Variants in SH3RF2 observed in about 807,000 individuals in gnomAD.
SH3RF2 encodes E3 ubiquitin-protein ligase SH3RF2.
SH3RF2 carries 43 observed loss-of-function variants against 59.0 expected under a neutral mutation model. The observed-to-expected ratio is 0.73, with a 90% CI of 0.57 to 0.94. SH3RF2 has a LOEUF of 0.94. SH3RF2 is among the 40% of genes least tolerant of loss of function. SH3RF2 has a pLI of 0.00. For synonymous variants in SH3RF2, 391 were observed against 391.5 expected (o/e 1.00, Z 0.01); for missense variants, 930 against 940.1 (o/e 0.99, Z 0.14).
At chr5:146,024,370 C>G (rs1300148342) in intron 5 of SH3RF2, among the ~76,000 whole-genome samples, 4 of 152,146 alleles carry the variant, frequency 2.6e-5, no homozygotes, top group African/African-American at 4.8e-5. Flanking sequence ...TGCATGTGTT[C>G]TTTGGAGAAC....
intron 2 of SH3RF2, among the ~76,000 whole-genome samples, chr5:145,959,358 C>T (rs1191098259): frequency 6.6e-6 from 1 of 152,096 alleles, no homozygotes; most frequent in African/African-American, 2.4e-5. Flanking sequence ...CTTTTAGTTG[C>T]AAGTGACAGA....
At position 146,062,676 on chromosome 5, in the gene SH3RF2, C is replaced by T. The variant is rs147803771; in HGVS notation, c.2165C>T (p.Thr722Met). 26 of 1,613,608 alleles carry T rather than the reference C, an allele frequency of 1.6e-5. No homozygotes were observed. In the South Asian group the frequency reaches 1.6e-4, roughly 10 times the overall value. ...ATTLVSTASGTQTVFPSK is the reference protein window; with the variant it reads ...ATTLVSTASGMQTVFPSK ...ACCCTGGTGTCCACTGCCTCAGGCA[C>T]GCAGACCGTGTTTCCCAGCAAATGA... Residue 722 changes from threonine (T) to methionine (M), a missense_variant, in exon 10 of 10, where the codon ACG (threonine) becomes ATG (methionine). Transcript: ENST00000359120.
intron 2 of SH3RF2, among the ~76,000 whole-genome samples, chr5:145,991,701 T>C (rs1284406789): frequency 1.3e-5 from 2 of 152,222 alleles, no homozygotes; most frequent in Non-Finnish European, 2.9e-5. Flanking sequence ...TTTTAGGGTT[T>C]CAAGGTTGAG....
At chr5:146,051,405 G>T (rs887164806) in intron 7 of SH3RF2, among the ~76,000 whole-genome samples, 2 of 152,194 alleles carry the variant, frequency 1.3e-5, no homozygotes, top group African/African-American at 4.8e-5. Context: ...AAAGGGGGAA[G>T]CAGAAAAACT....
At chr5:146,010,666 A>G (rs963527673) in intron 4 of SH3RF2, among the ~76,000 whole-genome samples, 22 of 152,174 alleles carry the variant, frequency 1.4e-4, no homozygotes, top group Non-Finnish European at 2.5e-4. Flanking sequence ...TTTTTGCTGC[A>G]TAAATGTCTT....
chr5:146,014,090 A>C (rs760045572), intron 5 of SH3RF2, 29 bp downstream of exon 5: 6 of 1,603,708 alleles, frequency 3.7e-6, no homozygotes, highest in Non-Finnish European at 5.1e-6. Flanking sequence ...GGATGAGGGC[A>C]CTTTGGAGTT....
At position 146,011,920 on chromosome 5, in the gene SH3RF2, A is replaced by G. The variant is rs111357796; in HGVS notation, c.745-1827A>G. Among the ~76,000 whole-genome samples, 16 of 152,254 alleles carry G rather than the reference A, an allele frequency of 1.1e-4. 3 individuals carry two copies. The highest frequency in any genetic ancestry group is 3.6e-4 in the African/African-American group (15 of 41,560). Reference sequence around the variant, plus strand: ...TGGCCAGAACTTCCAACACTATGTTAAATAGGAGTGGTGACAGAGGGCATC... The same window carrying G: ...TGGCCAGAACTTCCAACACTATGTTGAATAGGAGTGGTGACAGAGGGCATC... On this transcript the variant is annotated intron_variant, in intron 4 of 9. Coordinates refer to ENST00000359120, the MANE Select transcript of SH3RF2 (RefSeq NM_152550.4).
intron 5 of SH3RF2, among the ~76,000 whole-genome samples, chr5:146,016,296 C>T (rs1761098544): frequency 6.6e-6 from 1 of 151,498 alleles, no homozygotes; most frequent in Non-Finnish European, 1.5e-5. Flanking sequence ...AGTAATATAA[C>T]CTCAAACTTT....
intron 2 of SH3RF2, among the ~76,000 whole-genome samples, chr5:145,960,375 A>G (rs1162065238): frequency 6.6e-6 from 1 of 152,244 alleles, no homozygotes; most frequent in Non-Finnish European, 1.5e-5. Context: ...TCAGACTTAC[A>G]TACTCCACCA....
intron 7 of SH3RF2, among the ~76,000 whole-genome samples, chr5:146,053,924 G>A (rs1035706108): frequency 6.6e-6 from 1 of 152,170 alleles, no homozygotes; most frequent in Non-Finnish European, 1.5e-5. Flanking sequence ...TGCTGTTTGT[G>A]ATGCCCTTTT....
At chr5:145,963,685 T>TA (rs1758729633) in intron 2 of SH3RF2, among the ~76,000 whole-genome samples, 1 of 152,226 alleles carries the variant, frequency 6.6e-6, no homozygotes. Flanking sequence ...TCATCATTTA[T>TA]AACTGGTTTC....
At chr5:146,057,864 G>T (rs975130650) in intron 8 of SH3RF2, among the ~76,000 whole-genome samples, 1 of 152,130 alleles carries the variant, frequency 6.6e-6, no homozygotes, top group African/African-American at 2.4e-5. Flanking sequence ...GATGGCTTGA[G>T]CCGGGAAGGT....
chr5:145,981,112 T>G (rs1561721928), intron 2 of SH3RF2, among the ~76,000 whole-genome samples: 1 of 152,202 alleles, frequency 6.6e-6, no homozygotes. Flanking sequence ...TTTCTTTTTT[T>G]GAGGCAGGGT....
intron 2 of SH3RF2, among the ~76,000 whole-genome samples, chr5:145,999,488 C>T (rs1042386363): frequency 5.3e-5 from 8 of 152,204 alleles, no homozygotes; most frequent in African/African-American, 1.7e-4. Flanking sequence ...ATGCCTTCCT[C>T]ATTAAGATTA....
At chr5:146,010,147 C>A (rs1407033501) in intron 4 of SH3RF2, among the ~76,000 whole-genome samples, 2 of 151,814 alleles carry the variant, frequency 1.3e-5, no homozygotes, top group Non-Finnish European at 2.9e-5. Context: ...TTGGTCCTTG[C>A]GATAGTTTGC....
chr5:146,006,736 C>T lies in SH3RF2; in HGVS notation c.744+2583C>T, dbSNP rs931445284. Among the ~76,000 whole-genome samples the T allele has an allele frequency of 3.9e-5, 6 of 152,196 alleles. No homozygotes were observed. In the East Asian group the frequency reaches 5.8e-4, roughly 15 times the overall value. On this transcript the variant is annotated intron_variant, in intron 4 of 9. Coordinates refer to ENST00000359120, the MANE Select transcript of SH3RF2 (RefSeq NM_152550.4). ...ATAGTCAGGATAGGCTAGGTTATGC[C>T]GTGGCAATAAACGGCACCAAAGTCT... is the stretch of plus-strand genomic sequence containing the variant.
intron 2 of SH3RF2, among the ~76,000 whole-genome samples, chr5:145,949,105 C>T (rs1238223257): frequency 2.0e-5 from 3 of 152,188 alleles, no homozygotes; most frequent in African/African-American, 7.2e-5. Flanking sequence ...CTTCCAGCCC[C>T]TGCCTTGTTG....
At chr5:146,069,422 G>A (rs1229647733) in intron 9 of SH3RF2, among the ~76,000 whole-genome samples, 2 of 152,114 alleles carry the variant, frequency 1.3e-5, no homozygotes, top group Admixed American at 6.6e-5. Flanking sequence ...GCCTTGCCTG[G>A]GACCTCAAGG....
downstream of SH3RF2, among the ~76,000 whole-genome samples, chr5:146,064,543 TAGAA>T (rs1394859479): frequency 8.6e-6 from 1 of 116,626 alleles, no homozygotes; most frequent in Non-Finnish European, 1.6e-5. Context: ...CTGGGTGCCA[TAGAA>T]AGAAAGAAAA....
Sources: allele counts gnomAD v4.1 joint callset (sites outside exome capture counted in the v4.1 genomes callset), GRCh38; gene constraint gnomAD v4.1.1; transcripts MANE v1.5; gene names NCBI Gene and HGNC (gene_info 2026-07-23, HGNC 2026-07-21).